The following ARHGAP6 variants were observed in gnomAD, a reference collection of about 807,000 sequenced individuals.
ARHGAP6 encodes Rho GTPase activating protein 6, also known as rho GTPase-activating protein 6.
In ARHGAP6, 16 loss-of-function variants were observed where a neutral mutation model predicts 55.7. The observed-to-expected ratio is 0.29, with a 90% CI of 0.19 to 0.44. The LOEUF is 0.44. Among genes scored for constraint, ARHGAP6 ranks in the 20% least tolerant of loss-of-function variants. The pLI is 1.00. For missense variants in ARHGAP6, 698 were observed against 808.9 expected (o/e 0.86, Z 1.66); for synonymous variants, 382 against 360.9 (o/e 1.06, Z -0.66).
At chrX:11,440,959 C>G (rs997296381) in intron 1 of ARHGAP6, among the ~76,000 whole-genome samples, 1 of 111,817 alleles carries the variant, frequency 8.9e-6, no homozygotes, top group Admixed American at 9.5e-5. Context: ...CTGAATGCTG[C>G]AGATGGCTCA....
In ARHGAP6 at chrX:11,230,363, AATTTTTGT is replaced by A. The variant is rs376141454; in HGVS notation, c.748+24177_748+24184del. Among the ~76,000 whole-genome samples, 38 of 110,569 alleles carry A rather than the reference AATTTTTGT, an allele frequency of 3.4e-4. 1 individual carries two copies. The highest frequency in any genetic ancestry group is 9.9e-4 in the African/African-American group (30 of 30,378). On this transcript the variant is annotated intron_variant, in intron 2 of 12. Coordinates refer to ENST00000337414, the MANE Select transcript of ARHGAP6 (RefSeq NM_013427.3). ...CAGGCACACGCCACCACACCCAGCTAATTTTTGTATTTTTAGTAGAGACGGGGTTTCAG... is the reference window on the plus strand; with the variant it reads ...CAGGCACACGCCACCACACCCAGCTAATTTTTAGTAGAGACGGGGTTTCAG...
At chrX:11,290,900 T>G (rs191375602) in intron 1 of ARHGAP6, among the ~76,000 whole-genome samples, 1 of 112,249 alleles carries the variant, frequency 8.9e-6, no homozygotes, top group African/African-American at 3.2e-5. Flanking sequence ...AGTGTTCCTT[T>G]ACTTTCAGTT....
intron 1 of ARHGAP6, among the ~76,000 whole-genome samples, chrX:11,604,409 G>A (rs749528874): frequency 8.9e-6 from 1 of 111,931 alleles, no homozygotes; most frequent in South Asian, 3.7e-4. Flanking sequence ...TCAACAGTGG[G>A]AAACTGCCAC....
At chrX:11,182,640 T>C (rs1034447811) in intron 5 of ARHGAP6, among the ~76,000 whole-genome samples, 4 of 102,400 alleles carry the variant, frequency 3.9e-5, no homozygotes, top group East Asian at 5.9e-4. Flanking sequence ...TTTTTCTTTT[T>C]TTTTTTTTTT....
intron 1 of ARHGAP6, among the ~76,000 whole-genome samples, chrX:11,658,997 C>G (rs2052667835): frequency 9.1e-6 from 1 of 110,469 alleles, no homozygotes; most frequent in African/African-American, 3.3e-5. Flanking sequence ...GTGGTACAAA[C>G]TTTCTCCTGG....
intron 1 of ARHGAP6, among the ~76,000 whole-genome samples, chrX:11,473,764 G>A (rs2050374752): frequency 9.0e-6 from 1 of 111,627 alleles, no homozygotes; most frequent in Admixed American, 9.5e-5. Context: ...GCAGCCCTAG[G>A]AAACTAACAC....
intron 1 of ARHGAP6, among the ~76,000 whole-genome samples, chrX:11,486,345 T>G (rs950239375): frequency 8.9e-6 from 1 of 111,995 alleles, no homozygotes; most frequent in South Asian, 3.7e-4. Flanking sequence ...TGTAGAAACT[T>G]TAGCTCTCTA....
At chrX:11,542,077 C>CTT (rs534684948) in intron 1 of ARHGAP6, among the ~76,000 whole-genome samples, 5 of 98,070 alleles carry the variant, frequency 5.1e-5, no homozygotes, top group Admixed American at 2.2e-4. Context: ...CAAAGCCCTA[C>CTT]TTTTTTTTTT....
intron 1 of ARHGAP6, among the ~76,000 whole-genome samples, chrX:11,570,924 T>TG (rs1421727083): frequency 1.8e-5 from 2 of 111,220 alleles, no homozygotes; most frequent in Non-Finnish European, 3.8e-5. Context: ...TAAGTGTATT[T>TG]GTGCCTTGTA....
chrX:11,140,395 G>A (rs543718489), intron 12 of ARHGAP6, among the ~76,000 whole-genome samples: 2 of 91,024 alleles, frequency 2.2e-5, no homozygotes, highest in South Asian at 6.0e-4. Context: ...TCCAGCCTGG[G>A]TGACAGAGTG....
At position 11,177,583 on chromosome X, in the gene ARHGAP6, G is replaced by A. The variant is rs142609224; in HGVS notation, c.1629+517C>T. Among the ~76,000 whole-genome samples the A allele has an allele frequency of 6.5e-3, 725 of 111,471 alleles. 2 individuals carry two copies. The highest frequency in any genetic ancestry group is 0.014 in the Middle Eastern group (3 of 217). On this transcript the variant is annotated intron_variant, in intron 8 of 12. Transcript: ENST00000337414. ...CTTGCATCGAGCAAGTCCCTGTTTT[G>A]GGGGGAGAGTTTAAGAAAGGAAAGG...
At chrX:11,221,917 T>A (rs986701198) in intron 2 of ARHGAP6, among the ~76,000 whole-genome samples, 7 of 111,408 alleles carry the variant, frequency 6.3e-5, no homozygotes, top group Admixed American at 9.6e-5. Context: ...CCCAGTTGTC[T>A]GTTGTTCCCC....
At chrX:11,478,308 G>T in intron 1 of ARHGAP6, among the ~76,000 whole-genome samples, 1 of 112,227 alleles carries the variant, frequency 8.9e-6, no homozygotes, top group South Asian at 3.7e-4. Flanking sequence ...ATCAACAGGA[G>T]AGTAGATAAA....
At position 11,537,389 on chromosome X, in the gene ARHGAP6, G is replaced by C. The variant is rs189186569; in HGVS notation, c.588+126852C>G. The stretch of plus-strand genomic sequence containing the variant: ...GCACAGGACAGCTCCTCTCAGCAAA[G>C]AATTACCCTGCCCAAAATGTCAACG... On this transcript the variant is annotated intron_variant, in intron 1 of 12. Transcript: ENST00000337414. Among the ~76,000 whole-genome samples, 385 of 111,690 alleles carry C rather than the reference G, an allele frequency of 3.4e-3. 3 individuals are homozygous for C. Among genetic ancestry groups the C allele is most frequent in the African/African-American group, 0.011 (345 of 30,710 alleles).
intron 1 of ARHGAP6, among the ~76,000 whole-genome samples, chrX:11,538,771 T>G (rs2147070024): frequency 9.0e-6 from 1 of 111,160 alleles, no homozygotes; most frequent in South Asian, 3.8e-4. Context: ...GATCAAGATT[T>G]CTCAACCTTG....
intron 1 of ARHGAP6, among the ~76,000 whole-genome samples, chrX:11,590,716 T>A (rs1171641541): frequency 1.0e-5 from 1 of 98,544 alleles, no homozygotes; most frequent in Non-Finnish European, 2.0e-5. Context: ...ACCCAGCAGG[T>A]GGAGGTTGCA....
rs111272294 is a variant in ARHGAP6, at chrX:11,362,650, TATA to T, written c.589-107946_589-107944del. Among the ~76,000 whole-genome samples the T allele has an allele frequency of 4.3e-3, 464 of 108,038 alleles. 1 individual carries two copies. Among genetic ancestry groups the T allele is most frequent in the South Asian group, 0.01 (25 of 2,500 alleles). The allele number at this position is 108,038 out of a possible 115,157, so 93.8% of individuals were successfully genotyped here. ...TGCATATGTACCCTAAAACTTAAAG[TATA>T]ATAATAATAATAATAATAATAAACA... On this transcript the variant is annotated intron_variant, in intron 1 of 12. Coordinates refer to ENST00000337414, the MANE Select transcript of ARHGAP6 (RefSeq NM_013427.3).
intron 1 of ARHGAP6, among the ~76,000 whole-genome samples, chrX:11,281,995 C>T (rs896014174): frequency 8.9e-6 from 1 of 111,976 alleles, no homozygotes; most frequent in Non-Finnish European, 1.9e-5. Context: ...ATGGAGGTCA[C>T]TTTGGTTTGT....
At chrX:11,287,651 C>T (rs1337750068) in intron 1 of ARHGAP6, among the ~76,000 whole-genome samples, 1 of 111,516 alleles carries the variant, frequency 9.0e-6, no homozygotes, top group South Asian at 3.8e-4. Context: ...CTACCTAAAA[C>T]CTCTGCTGCT....
Sources: gnomAD v4.1 joint callset for allele counts (sites outside exome capture counted in the v4.1 genomes callset) on GRCh38, gnomAD v4.1.1 for gene constraint, MANE v1.5 for transcripts, NCBI Gene and HGNC (gene_info 2026-07-23, HGNC 2026-07-21) for gene names.